UNK: variants seen among roughly 807,000 people sequenced by gnomAD.
UNK encodes the protein unk zinc finger, also known as RING finger protein unkempt homolog.
In UNK, 32 loss-of-function variants were observed where a neutral mutation model predicts 97.6. The ratio of observed to expected loss-of-function variants is 0.33; its 90% CI spans 0.25 to 0.44. The LOEUF is 0.44. Among genes scored for constraint, UNK ranks in the 20% least tolerant of loss-of-function variants. The pLI, the probability that UNK is intolerant of heterozygous loss-of-function variation, is 1.00. For synonymous variants in UNK, 441 were observed against 461.2 expected (o/e 0.96, Z 0.56); for missense variants, 771 against 1,098.4 (o/e 0.70, Z 4.21).
At position 75,817,084 on chromosome 17, in the gene UNK, G is replaced by A. The variant is rs1027552953; in HGVS notation, c.1104+172G>A. ...TCGTCAAAAGTCCAGGCCCGGGGGT[G>A]GGGTAGGGCAGTCCCCAGAGCCTGT... is the stretch of plus-strand genomic sequence containing the variant. On this transcript the variant is annotated intron_variant, in intron 8 of 15. Coordinates refer to ENST00000589666, the MANE Select transcript of UNK (RefSeq NM_001080419.3). This position sits in a 1 kb window ranked among gnomAD's most constrained non-coding sequence, Gnocchi z 5.8. 7.5e-6 allele frequency among the ~76,000 whole-genome samples: 1 copy of A among 133,986 alleles called. No individual in the cohort carries two copies. The highest frequency in any genetic ancestry group is 1.7e-5 in the Non-Finnish European group (1 of 58,756). 87.9% of individuals were successfully genotyped at this position (133,986 alleles called of 152,430 possible).
Position 75,817,588 on chromosome 17 carries a change from G to C in UNK, c.1305+62G>C. On this transcript the variant is annotated intron_variant, in intron 9 of 15. Transcript: ENST00000589666. This position sits in a 1 kb window ranked among gnomAD's most constrained non-coding sequence, Gnocchi z 5.8. ...CTCCTGCGTGGGGCAAGAGAATCTT[G>C]GAGGAGTGTCTTGGTCCAGCTACGG... The C allele has an allele frequency of 6.7e-7, 1 of 1,490,522 alleles. No homozygotes were observed. Among genetic ancestry groups the C allele is most frequent in the Admixed American group, 2.1e-5 (1 of 47,166 alleles). 92.3% of individuals were successfully genotyped at this position (1,490,522 alleles called of 1,614,324 possible).
intron 1 of UNK, among the ~76,000 whole-genome samples, chr17:75,794,434 CGA>C (rs2061787991): frequency 6.6e-6 from 1 of 152,022 alleles, no homozygotes; most frequent in South Asian, 2.1e-4. Flanking sequence ...GTCAGGAGCT[CGA>C]GACCAGCCTG....
At chr17:75,803,194 C>T (rs879270284) in intron 1 of UNK, among the ~76,000 whole-genome samples, 38 of 136,390 alleles carry the variant, frequency 2.8e-4, no homozygotes, top group South Asian at 9.1e-4. Flanking sequence ...GTCAGGAGAT[C>T]AAGACCATCG....
intron 1 of UNK, among the ~76,000 whole-genome samples, chr17:75,800,867 G>A (rs2061850442): frequency 6.6e-6 from 1 of 152,056 alleles, no homozygotes. Context: ...TATATGTGAT[G>A]CTCATTGCTT....
At position 75,819,250 on chromosome 17, in the gene UNK, C is replaced by G. The variant is rs1032131930; in HGVS notation, c.1546+434C>G. On this transcript the variant is annotated intron_variant, in intron 11 of 15. Coordinates refer to ENST00000589666, the MANE Select transcript of UNK (RefSeq NM_001080419.3). This position sits in a 1 kb window ranked among gnomAD's most constrained non-coding sequence, Gnocchi z 5.4. ...CAGGCACTGAGGAGACAGATGACAA[C>G]ATGCTGCTCCTGCCCTCTAGAGGGA... 4.3e-6 allele frequency: 1 copy of G among 233,388 alleles called. No individual in the cohort carries two copies. The highest frequency in any genetic ancestry group is 8.3e-6 in the Non-Finnish European group (1 of 120,758). The allele number at this position is 233,388 out of a possible 1,614,324, so 14.5% of individuals were successfully genotyped here.
chr17:75,813,926 G>C (rs1345327334), intron 6 of UNK, 48 bp downstream of exon 6: 1 of 1,498,518 alleles, frequency 6.7e-7, no homozygotes, highest in Non-Finnish European at 9.0e-7. Context: ...AGTAAGGAGA[G>C]AGGCAGGCAG....
rs776246418 is a variant in UNK at position 75,798,066 on chromosome 17, C to CTTTTT, written c.105-11677_105-11673dup. Among the ~76,000 whole-genome samples the CTTTTT allele has an allele frequency of 9.4e-4, 121 of 129,126 alleles. 1 individual carries two copies. In the South Asian group the frequency reaches 9.6e-3, roughly 10 times the overall value. The allele number at this position is 129,126 out of a possible 152,430, so 84.7% of individuals were successfully genotyped here. On this transcript the variant is annotated intron_variant, in intron 1 of 15. Coordinates refer to ENST00000589666, the MANE Select transcript of UNK (RefSeq NM_001080419.3). ...CTCCACAAAAAGATTGACCACAGCT[C>CTTTTT]TTTTTTTTTTTTTTTTTTTTTAAGA... is the stretch of plus-strand genomic sequence containing the variant.
intron 1 of UNK, among the ~76,000 whole-genome samples, chr17:75,805,946 CAAAA>C (rs35051475): frequency 6.6e-6 from 1 of 151,488 alleles, no homozygotes; most frequent in African/African-American, 2.4e-5. Flanking sequence ...GTTATCCCCT[CAAAA>C]AGAAATCTAA....
At chr17:75,823,634 GC>G in intron 15 of UNK, 112 bp downstream of exon 15, 1 of 1,385,662 alleles carries the variant, frequency 7.2e-7, no homozygotes, top group Non-Finnish European at 9.6e-7. Context: ...GAGAGCCTCT[GC>G]CCAGCACTGG....
chr17:75,791,833 A>T (rs906873228), intron 1 of UNK: 9 of 985,432 alleles, frequency 9.1e-6, no homozygotes, highest in Non-Finnish European at 1.1e-5. Context: ...CTATCATCCT[A>T]CAAAGACTGT....
chr17:75,812,647 ATT>A (rs1441268130), intron 4 of UNK, 62 bp downstream of exon 4: 377 of 1,564,286 alleles, frequency 2.4e-4, no homozygotes, highest in Non-Finnish European at 2.9e-4. Flanking sequence ...TGCCCTGGGG[ATT>A]TGGCTCACCA....
chr17:75,799,682 C>A (rs1028024540), intron 1 of UNK, among the ~76,000 whole-genome samples: 2 of 152,176 alleles, frequency 1.3e-5, no homozygotes, highest in Admixed American at 6.6e-5. Context: ...CAGTCAGAAT[C>A]CACTGTGGTG....
At chr17:75,815,133 G>C in intron 6 of UNK, 36 bp from the exon 7 acceptor site, 1 of 1,597,972 alleles carries the variant, frequency 6.3e-7, no homozygotes, top group Non-Finnish European at 8.5e-7. Flanking sequence ...CTTCCCTCAG[G>C]GCCTGAGCCT....
chr17:75,805,787 G>C (rs1428288743), intron 1 of UNK, among the ~76,000 whole-genome samples: 1 of 149,846 alleles, frequency 6.7e-6, no homozygotes, highest in African/African-American at 2.5e-5. Flanking sequence ...AACAGAGCGA[G>C]CCCCTGCCTT....
rs1381053893 is a variant in UNK, at chr17:75,824,104, C to T, written c.2278-158C>T. 6.6e-6 allele frequency among the ~76,000 whole-genome samples: 1 copy of T among 152,100 alleles called. No individual in the cohort carries two copies. Among genetic ancestry groups the T allele is most frequent in the South Asian group, 2.1e-4 (1 of 4,826 alleles). The stretch of plus-strand genomic sequence containing the variant: ...TGCCCCATGCAGAGGTGGACTCAGC[C>T]TGCTCTCTCACCTGCCAACAGGGGT... On this transcript the variant is annotated intron_variant, in intron 15 of 15. Coordinates refer to ENST00000589666, the MANE Select transcript of UNK (RefSeq NM_001080419.3). The surrounding 1 kb of genome is among the most constrained non-coding windows in gnomAD (Gnocchi z 4.9).
In UNK at chr17:75,819,213, C is replaced by T. The variant is rs768713635; in HGVS notation, c.1546+397C>T. 2.7e-4 allele frequency: 62 copies of T among 230,336 alleles called. No individual in the cohort carries two copies. Among genetic ancestry groups the T allele is most frequent in the Admixed American group, 1.4e-3 (26 of 18,192 alleles). The allele number at this position is 230,336 out of a possible 1,614,324, so 14.3% of individuals were successfully genotyped here. A position where few individuals can be genotyped will look rare whatever the true frequency, so the allele number is the denominator to read the frequency against. ...TCATTTCTAGGTGCCCGCTTTGTGC[C>T]AGGTCCTGTGGCAGGCACTGAGGAG... On this transcript the variant is annotated intron_variant, in intron 11 of 15. Transcript: ENST00000589666. This position sits in a 1 kb window ranked among gnomAD's most constrained non-coding sequence, Gnocchi z 5.4.
At chr17:75,785,045 G>A in intron 1 of UNK, 61 bp downstream of exon 1, 8 of 1,255,374 alleles carry the variant, frequency 6.4e-6, no homozygotes, top group Non-Finnish European at 8.5e-6. Flanking sequence ...GCCAGCGTGA[G>A]TCACGCGCGC....
In UNK at chr17:75,822,565, A is replaced by G. The variant is rs1194125325; in HGVS notation, c.1926A>G (p.Pro642=). The G allele has an allele frequency of 2.5e-6, 4 of 1,613,528 alleles. No individual in the cohort carries two copies. The highest frequency in any genetic ancestry group is 1.3e-5 in the African/African-American group (1 of 75,078). The stretch of plus-strand genomic sequence containing the variant: ...CTTCCCCCGCTTTCCTATCAGGGCC[A>G]GGGGCTGCCGAGCTGGCCCGACTTC... ...PGTSPAFLSG[P]GAAELARLRQ... Residue 642 remains proline (P), a synonymous_variant, in exon 14 of 16, where the codon CCA becomes CCG. Coordinates refer to ENST00000589666, the MANE Select transcript of UNK (RefSeq NM_001080419.3).
intron 1 of UNK, among the ~76,000 whole-genome samples, chr17:75,801,692 G>GC (rs67355451): frequency 6.6e-6 from 1 of 151,656 alleles, no homozygotes; most frequent in Non-Finnish European, 1.5e-5. Context: ...GACTACAGGC[G>GC]CCCGCCACCA....
Sources: gnomAD v4.1 joint callset for allele counts (sites outside exome capture counted in the v4.1 genomes callset) on GRCh38, gnomAD v4.1.1 for gene constraint, Gnocchi (gnomAD v3.1) non-coding constraint, MANE v1.5 for transcripts, NCBI Gene and HGNC (gene_info 2026-07-23, HGNC 2026-07-21) for gene names.